The following LCA5 variants were observed in gnomAD, a reference collection of about 807,000 sequenced individuals.
LCA5 encodes the protein lebercilin LCA5.
LCA5 carries 37 observed loss-of-function variants against 53.0 expected under a neutral mutation model. The ratio of observed to expected loss-of-function variants is 0.70; its 90% CI spans 0.54 to 0.92. The LOEUF is 0.92. LCA5 is among the 40% of genes least tolerant of loss of function. LCA5 has a pLI of 0.00. For synonymous variants in LCA5, 303 were observed against 282.9 expected, an observed-to-expected ratio of 1.07 and a Z score of -0.71; for missense variants, 806 against 790.5, an observed-to-expected ratio of 1.02 and a Z score of -0.23.
At chr6:79,503,748 A>G (rs1207416183) in intron 3 of LCA5, among the ~76,000 whole-genome samples, 1 of 152,236 alleles carries the variant, frequency 6.6e-6, no homozygotes, top group Non-Finnish European at 1.5e-5. Context: ...TGTATCACAC[A>G]TCATAAAGCT....
Position 79,492,613 on chromosome 6 carries a change from T to C in LCA5, c.893A>G (p.Tyr298Cys). The C allele has an allele frequency of 6.4e-7, 1 of 1,564,730 alleles. No homozygotes were observed. Residue 298 changes from tyrosine to cysteine, a missense_variant, in exon 5 of 8, where the codon TAT (tyrosine) becomes TGT (cysteine). Transcript: ENST00000369846. ...KERELDIKNI[Y>C]SNRLPKSSPN... Reference sequence around the variant, plus strand: ...AGAGGACTTTGGCAGACGATTAGAATATATATTTTTTATATCCAGTTCTCT... The same window carrying C: ...AGAGGACTTTGGCAGACGATTAGAACATATATTTTTTATATCCAGTTCTCT...
rs1185819072 is a variant in LCA5 at position 79,486,567 on chromosome 6, C to A, written c.*437G>T. On this transcript the variant is annotated 3_prime_UTR_variant, in exon 8 of 8. Coordinates refer to ENST00000369846, the MANE Select transcript of LCA5 (RefSeq NM_001122769.3). Reference sequence around the variant, plus strand: ...GAAGGGCTCCTAAGAAGCACTGGTTCTCCACCATCCGGAGCTACACTTCCC... The same window carrying A: ...GAAGGGCTCCTAAGAAGCACTGGTTATCCACCATCCGGAGCTACACTTCCC... 6.1e-6 allele frequency: 1 copy of A among 163,602 alleles called. No individual in the cohort carries two copies. The highest frequency in any genetic ancestry group is 1.3e-5 in the Non-Finnish European group (1 of 76,006). 10.1% of individuals were successfully genotyped at this position (163,602 alleles called of 1,614,324 possible).
intron 3 of LCA5, among the ~76,000 whole-genome samples, chr6:79,508,261 G>A (rs1770321229): frequency 6.6e-6 from 1 of 152,140 alleles, no homozygotes; most frequent in South Asian, 2.1e-4. Context: ...AACTGTCATG[G>A]TGGTTGTCCC....
At chr6:79,494,898 G>A (rs954281245) in intron 3 of LCA5, among the ~76,000 whole-genome samples, 1 of 152,192 alleles carries the variant, frequency 6.6e-6, no homozygotes, top group African/African-American at 2.4e-5. Flanking sequence ...AAGAACTCCT[G>A]ACCTTTGAAA....
At chr6:79,529,615 G>A (rs914676927) in intron 1 of LCA5, among the ~76,000 whole-genome samples, 2 of 152,028 alleles carry the variant, frequency 1.3e-5, no homozygotes, top group Non-Finnish European at 2.9e-5. Flanking sequence ...TGGTAACCCC[G>A]CAGAATATAA....
chr6:79,534,062 TTACACTG>T lies in LCA5; in HGVS notation c.-192+3096_-192+3102del, dbSNP rs546364566. 9.4e-4 allele frequency among the ~76,000 whole-genome samples: 139 copies of T among 147,628 alleles called. 2 individuals carry two copies. In the East Asian group the frequency reaches 0.021, roughly 22 times the overall value. On this transcript the variant is annotated intron_variant, in intron 1 of 7. Transcript: ENST00000369846. Reference sequence around the variant, plus strand: ...TTTCTCCTTTGTGGAAGAGGAGCAGTTACACTGTAACTGCTCCTCTTCCACAAAGGAG... The same window carrying T: ...TTTCTCCTTTGTGGAAGAGGAGCAGTTAACTGCTCCTCTTCCACAAAGGAG...
intron 3 of LCA5, among the ~76,000 whole-genome samples, chr6:79,499,480 G>C (rs947522899): frequency 2.1e-4 from 32 of 151,918 alleles, no homozygotes; most frequent in African/African-American, 7.5e-4. Context: ...AGCAAAATAA[G>C]ATCTAAAGCA....
intron 1 of LCA5, among the ~76,000 whole-genome samples, chr6:79,531,317 C>A (rs1335698503): frequency 2.0e-5 from 3 of 152,136 alleles, no homozygotes; most frequent in Non-Finnish European, 4.4e-5. Flanking sequence ...TCCCATACTA[C>A]CTCTCAATGT....
At chr6:79,491,119 G>T (rs1343553297) in intron 6 of LCA5, among the ~76,000 whole-genome samples, 1 of 151,716 alleles carries the variant, frequency 6.6e-6, no homozygotes. Context: ...TGCTACTAAA[G>T]ATAAAAGTAC....
chr6:79,514,918 C>T (rs1766383846), intron 2 of LCA5, among the ~76,000 whole-genome samples: 1 of 151,842 alleles, frequency 6.6e-6, no homozygotes, highest in Non-Finnish European at 1.5e-5. Flanking sequence ...GATACTAGGC[C>T]TAATGCCTGG....
At chr6:79,498,458 G>A (rs1770043256) in intron 3 of LCA5, among the ~76,000 whole-genome samples, 2 of 151,874 alleles carry the variant, frequency 1.3e-5, no homozygotes, top group South Asian at 2.1e-4. Context: ...AAATACCAGG[G>A]CTAAAAAATA....
At chr6:79,491,492 A>T in intron 6 of LCA5, 96 bp downstream of exon 6, 2 of 1,248,428 alleles carry the variant, frequency 1.6e-6, no homozygotes, top group Non-Finnish European at 2.3e-6. Flanking sequence ...TAGATATAGT[A>T]CTAGCTTCAT....
intron 1 of LCA5, among the ~76,000 whole-genome samples, chr6:79,520,164 C>CT (rs35754856): frequency 3.5e-3 from 525 of 149,998 alleles, no homozygotes; most frequent in Middle Eastern, 0.01. Flanking sequence ...TAGTACAGTA[C>CT]TTTTTTTTTA....
intron 3 of LCA5, among the ~76,000 whole-genome samples, chr6:79,503,694 A>C (rs961638794): frequency 6.6e-6 from 1 of 152,230 alleles, no homozygotes; most frequent in Non-Finnish European, 1.5e-5. Flanking sequence ...GATCACCTGC[A>C]AACATATACA....
In LCA5 at chr6:79,487,471, T is replaced by G; in HGVS notation, c.1627A>C (p.Arg543=). ...AACTCATTAGGGGAGGCTGGACTTC[T>G]AACATTTCCTGAATTCTGACCTTCT... ...KGEGQNSGNV[R]SPASPNEFAF... The change falls in exon 8 of 8, where the codon AGA becomes CGA. Residue 543 remains arginine (R), a synonymous_variant. Coordinates refer to ENST00000369846, the MANE Select transcript of LCA5 (RefSeq NM_001122769.3). 1.2e-6 allele frequency: 2 copies of G among 1,614,060 alleles called. No homozygotes were observed. The highest frequency in any genetic ancestry group is 1.7e-6 in the Non-Finnish European group (2 of 1,179,930).
In LCA5 at chr6:79,486,876, G is replaced by A. The variant is rs566830692; in HGVS notation, c.*128C>T. 165 of 766,354 alleles carry A rather than the reference G, an allele frequency of 2.2e-4. 3 individuals are homozygous for A. The South Asian group carries it at 3.0e-3, about 14-fold the overall frequency. The allele number at this position is 766,354 out of a possible 1,614,324, so 47.5% of individuals were successfully genotyped here. A position where few individuals can be genotyped will look rare whatever the true frequency, so the allele number is the denominator to read the frequency against. ...TGATCTACTTCTTTTTAACTGCATT[G>A]TATTTAGCTATTAAAAATCATTCCT... On this transcript the variant is annotated 3_prime_UTR_variant, in exon 8 of 8. Transcript: ENST00000369846.
chr6:79,516,497 T>C (rs1308354865), intron 2 of LCA5, among the ~76,000 whole-genome samples: 1 of 151,964 alleles, frequency 6.6e-6, no homozygotes, highest in African/African-American at 2.4e-5. Flanking sequence ...GGATAAAAAT[T>C]TTTAGTCAGA....
chr6:79,503,448 C>T (rs529911457), intron 3 of LCA5, among the ~76,000 whole-genome samples: 2 of 152,140 alleles, frequency 1.3e-5, no homozygotes, highest in African/African-American at 4.8e-5. Context: ...AGTTTCAAAC[C>T]TTTTTTAAAA....
Position 79,487,453 on chromosome 6 carries a change from T to C in LCA5, c.1645A>G (p.Asn549Asp). The C allele has an allele frequency of 1.2e-6, 2 of 1,614,056 alleles. No homozygotes were observed. Among genetic ancestry groups the C allele is most frequent in the East Asian group, 2.2e-5 (1 of 44,880 alleles). Reference protein sequence around the residue: ...SGNVRSPASPNEFAFGSYVPS... With the variant: ...SGNVRSPASPDEFAFGSYVPS... ...ACGTAGCTACCAAATGCGAACTCAT[T>C]AGGGGAGGCTGGACTTCTAACATTT... Residue 549 changes from asparagine (N) to aspartate (D), a missense_variant, in exon 8 of 8, where the codon AAT (asparagine) becomes GAT (aspartate). Transcript: ENST00000369846.
Sources: allele counts gnomAD v4.1 joint callset (sites outside exome capture counted in the v4.1 genomes callset), GRCh38; gene constraint gnomAD v4.1.1; transcripts MANE v1.5; gene names NCBI Gene and HGNC (gene_info 2026-07-23, HGNC 2026-07-21).